Variants in SFT2D1 observed in about 807,000 individuals in gnomAD.
SFT2D1 encodes SFT2 domain containing 1.
Under a neutral mutation model 28.1 loss-of-function variants are expected in SFT2D1, and 24 were observed. The ratio of observed to expected loss-of-function variants is 0.85; its 90% CI spans 0.62 to 1.20. The LOEUF (loss-of-function observed/expected upper bound fraction) is 1.20, where lower values mean the gene tolerates loss of function less well. Among genes scored for constraint, SFT2D1 ranks in the 50% most tolerant of loss-of-function variants. The pLI, the probability that SFT2D1 is intolerant of heterozygous loss-of-function variation, is 0.00. For missense variants in SFT2D1, 181 were observed against 190.9 expected (o/e 0.95, Z 0.31); for synonymous variants, 82 against 73.7 (o/e 1.11, Z -0.58).
chr6:166,328,185 A>G (rs1378275081), intron 4 of SFT2D1, 91 bp downstream of exon 4: 1 of 554,308 alleles, frequency 1.8e-6, no homozygotes, highest in Non-Finnish European at 2.9e-6. Context: ...AAATAAAAAA[A>G]GAAGTATACA....
At position 166,341,830 on chromosome 6, in the gene SFT2D1, GA is replaced by G. The variant is rs34430737; in HGVS notation, c.63+588del. ...GCGCAGACACAAGGGCTTTTATTAA[GA>G]AAAAAAAAAAAATCTCTTACCAGGG... On this transcript the variant is annotated intron_variant, in intron 1 of 7. Transcript: ENST00000361731. Among the ~76,000 whole-genome samples, 325 of 147,676 alleles carry G rather than the reference GA, an allele frequency of 2.2e-3. 2 individuals are homozygous for G. Among genetic ancestry groups the G allele is most frequent in the African/African-American group, 7.3e-3 (292 of 40,186 alleles).
rs756153644 is a variant in SFT2D1 at position 166,322,825 on chromosome 6, C to T, written c.440+32G>A. 3.8e-6 allele frequency: 6 copies of T among 1,580,172 alleles called. No homozygotes were observed. The Admixed American group carries it at 5.1e-5, about 13-fold the overall frequency. On this transcript the variant is annotated intron_variant, in intron 7 of 7. Coordinates refer to ENST00000361731, the MANE Select transcript of SFT2D1 (RefSeq NM_145169.3). ...TATTTGTGTGAAGATAAGTAAAGAA[C>T]CAGAAAGAAGACAAGATTCAAACAA...
intron 1 of SFT2D1, among the ~76,000 whole-genome samples, chr6:166,341,974 A>C (rs983590914): frequency 2.0e-5 from 3 of 152,052 alleles, no homozygotes; most frequent in African/African-American, 4.8e-5. Context: ...CACACACATA[A>C]CACCACCTTT....
At position 166,324,533 on chromosome 6, in the gene SFT2D1, TTACCAGG is replaced by T; in HGVS notation, c.407_410+3del. ...ACACTTCACTAGGGTAAGGAAAGAC[TTACCAGG>T]TCATTGACAAGAACTGCAATATGCA... On this transcript the variant is annotated splice_donor_variant and splice_donor_region_variant and coding_sequence_variant and intron_variant, in exon 6 of 8. Coordinates refer to ENST00000361731, the MANE Select transcript of SFT2D1 (RefSeq NM_145169.3). LOFTEE classifies it high-confidence loss of function. The T allele has an allele frequency of 1.2e-6, 2 of 1,611,376 alleles. No homozygotes were observed. The highest frequency in any genetic ancestry group is 3.4e-5 in the Admixed American group (2 of 58,880).
At chr6:166,335,780 G>A (rs555481369) in intron 1 of SFT2D1, among the ~76,000 whole-genome samples, 14 of 152,324 alleles carry the variant, frequency 9.2e-5, no homozygotes, top group East Asian at 5.8e-4. Flanking sequence ...AAGTTTAGCC[G>A]GAAAGGAGAG....
chr6:166,333,682 C>A (rs1018265184), intron 1 of SFT2D1, among the ~76,000 whole-genome samples: 1 of 152,214 alleles, frequency 6.6e-6, no homozygotes, highest in Admixed American at 6.5e-5. Context: ...AGGCACAGGG[C>A]AGGGGGGTCC....
intron 1 of SFT2D1, 65 bp from the exon 2 acceptor site, chr6:166,330,312 T>C: frequency 9.3e-7 from 1 of 1,075,812 alleles, no homozygotes; most frequent in Non-Finnish European, 1.4e-6. Context: ...TTCTTTATAC[T>C]AAATTAAAGC....
chr6:166,336,465 T>C (rs1465216269), intron 1 of SFT2D1, among the ~76,000 whole-genome samples: 1 of 152,186 alleles, frequency 6.6e-6, no homozygotes, highest in African/African-American at 2.4e-5. Context: ...AACTATTTAA[T>C]TCTCTTAAAA....
intron 1 of SFT2D1, among the ~76,000 whole-genome samples, chr6:166,341,357 G>A (rs1280153602): frequency 6.6e-6 from 1 of 151,110 alleles, no homozygotes; most frequent in Non-Finnish European, 1.5e-5. Context: ...GCTGAGGCAG[G>A]AGAATTGCTT....
At chr6:166,332,359 A>G (rs917081086) in intron 1 of SFT2D1, among the ~76,000 whole-genome samples, 2 of 152,114 alleles carry the variant, frequency 1.3e-5, no homozygotes, top group African/African-American at 4.8e-5. Context: ...GGTTCAAGTG[A>G]TTCTCCTACC....
intron 4 of SFT2D1, among the ~76,000 whole-genome samples, chr6:166,326,582 G>A (rs1778449006): frequency 6.6e-6 from 1 of 152,114 alleles, no homozygotes. Context: ...AAAATGAGGA[G>A]AGTTCCTACC....
At chr6:166,342,327 G>T in intron 1 of SFT2D1, 92 bp downstream of exon 1, 3 of 1,194,862 alleles carry the variant, frequency 2.5e-6, no homozygotes, top group Non-Finnish European at 3.5e-6. Context: ...CAGACCCCCG[G>T]CCTCGCACCC....
At chr6:166,330,434 T>C (rs1778528965) in intron 1 of SFT2D1, among the ~76,000 whole-genome samples, 187 bp from the exon 2 acceptor site, 1 of 152,208 alleles carries the variant, frequency 6.6e-6, no homozygotes, top group Non-Finnish European at 1.5e-5. Flanking sequence ...GGGTAGCAGA[T>C]GATGCTGAGG....
chr6:166,329,291 G>A (rs1412154129), intron 3 of SFT2D1, among the ~76,000 whole-genome samples: 1 of 152,170 alleles, frequency 6.6e-6, no homozygotes, highest in Admixed American at 6.5e-5. Context: ...CACATTAAGT[G>A]CCCCACAAAG....
intron 6 of SFT2D1, chr6:166,323,324 A>G (rs1195158579): frequency 1.9e-5 from 3 of 154,748 alleles, no homozygotes; most frequent in Non-Finnish European, 4.3e-5. Context: ...GAAAAAAAGT[A>G]AAGAACATTT....
At position 166,337,894 on chromosome 6, in the gene SFT2D1, G is replaced by T. The variant is rs552718396; in HGVS notation, c.63+4525C>A. The stretch of plus-strand genomic sequence containing the variant: ...AGATGGCCCTTCAGGAGATGATCAG[G>T]TCATGGGGATGGAGTCCTCATGAAT... On this transcript the variant is annotated intron_variant, in intron 1 of 7. Transcript: ENST00000361731. Among the ~76,000 whole-genome samples, 435 of 152,236 alleles carry T rather than the reference G, an allele frequency of 2.9e-3. 3 individuals carry two copies. The highest frequency in any genetic ancestry group is 9.7e-3 in the African/African-American group (404 of 41,530).
intron 6 of SFT2D1, chr6:166,324,057 C>T (rs978302228): frequency 2.0e-5 from 3 of 152,042 alleles, no homozygotes; most frequent in Admixed American, 2.0e-4. Flanking sequence ...ATTTGGGATG[C>T]TCAACCAGTA....
chr6:166,332,702 T>A, intron 1 of SFT2D1, among the ~76,000 whole-genome samples: 1 of 152,178 alleles, frequency 6.6e-6, no homozygotes. Context: ...CCACCATCCA[T>A]CATTTTACTT....
intron 2 of SFT2D1, among the ~76,000 whole-genome samples, chr6:166,329,925 CT>C (rs1156806721): frequency 9.2e-5 from 14 of 152,290 alleles, no homozygotes; most frequent in African/African-American, 2.9e-4. Context: ...CTCTCCAGAT[CT>C]TTTAACACAT....
Sources: allele counts gnomAD v4.1 joint callset (sites outside exome capture counted in the v4.1 genomes callset), GRCh38; gene constraint gnomAD v4.1.1; transcripts MANE v1.5; gene names NCBI Gene and HGNC (gene_info 2026-07-23, HGNC 2026-07-21).